Variants in RMDN2 observed in about 807,000 individuals in gnomAD.
RMDN2 encodes the protein regulator of microtubule dynamics protein 2.
RMDN2 carries 61 observed loss-of-function variants against 52.8 expected under a neutral mutation model. The observed-to-expected ratio is 1.16, with a 90% CI of 0.94 to 1.43. The LOEUF (loss-of-function observed/expected upper bound fraction) is 1.43, where lower values mean the gene tolerates loss of function less well. Ranked by LOEUF, RMDN2 falls within the 40% of genes most tolerant of loss-of-function variation. The pLI, the probability that RMDN2 is intolerant of heterozygous loss-of-function variation, is 0.00. For synonymous variants in RMDN2, 180 were observed against 153.1 expected (o/e 1.18, Z -1.30); for missense variants, 592 against 475.3 (o/e 1.25, Z -2.28).
At chr2:38,018,490 GA>G (rs1467339523), downstream of RMDN2, among the ~76,000 whole-genome samples, 1 of 152,146 alleles carries the variant, frequency 6.6e-6, no homozygotes, top group Non-Finnish European at 1.5e-5. Flanking sequence ...CCAACAGTAA[GA>G]AAGCAGCTAG....
At chr2:37,944,381 G>A (rs189312759) in intron 2 of RMDN2, among the ~76,000 whole-genome samples, 11 of 151,084 alleles carry the variant, frequency 7.3e-5, no homozygotes, top group Admixed American at 3.3e-4. Context: ...TACAGTCTCC[G>A]TCTCAAAACT....
chr2:38,004,131 T>A lies in RMDN2; in HGVS notation c.1099-5T>A. ...TGTTTAATATTGGTTATTTCTCATT[T>A]CCAGTGTTATACTGATCTTGAGGAA... On this transcript the variant is annotated splice_region_variant and splice_polypyrimidine_tract_variant and intron_variant, in intron 9 of 10. Coordinates refer to ENST00000354545, the MANE Select transcript of RMDN2 (RefSeq NM_001170791.3). The A allele has an allele frequency of 1.9e-6, 3 of 1,613,114 alleles. No individual in the cohort carries two copies. The highest frequency in any genetic ancestry group is 2.5e-6 in the Non-Finnish European group (3 of 1,179,196).
At chr2:37,924,498 G>A (rs1666127856), upstream of RMDN2, among the ~76,000 whole-genome samples, 1 of 152,224 alleles carries the variant, frequency 6.6e-6, no homozygotes, top group African/African-American at 2.4e-5. Context: ...CCAAGTAGCT[G>A]GGATTACAGG....
In RMDN2 at chr2:37,927,284, G is replaced by A. The variant is rs141030681; in HGVS notation, c.-17+1859G>A. Among the ~76,000 whole-genome samples the A allele has an allele frequency of 1.3e-3, 191 of 152,326 alleles. 1 individual carries two copies. The highest frequency in any genetic ancestry group is 4.5e-3 in the African/African-American group (185 of 41,564). On this transcript the variant is annotated intron_variant, in intron 1 of 10. Transcript: ENST00000354545. ...ATGTTGTGGGTGCATCCAAGAGTTA[G>A]GAACAGGTTGTCAAAGGTGACAGTT...
Position 38,004,036 on chromosome 2 carries a change from T to TGG in RMDN2, c.1090_1091insGG (p.Leu364TrpfsTer2). On this transcript the variant is annotated frameshift_variant, in exon 9 of 11. Coordinates refer to ENST00000354545, the MANE Select transcript of RMDN2 (RefSeq NM_001170791.3). LOFTEE classifies it high-confidence loss of function. ...TTATTCTAATCCCAATTACATGTAC[T>TGG]TAGCAAAGGTAATGAAGACCACTGT... is the stretch of plus-strand genomic sequence containing the variant. The TGG allele has an allele frequency of 6.2e-7, 1 of 1,613,190 alleles. No individual in the cohort carries two copies. Among genetic ancestry groups the TGG allele is most frequent in the South Asian group, 1.1e-5 (1 of 91,058 alleles).
chr2:37,934,578 C>T (rs957370230), intron 2 of RMDN2, among the ~76,000 whole-genome samples: 2 of 151,458 alleles, frequency 1.3e-5, no homozygotes, highest in Non-Finnish European at 2.9e-5. Context: ...TTTGTCACTC[C>T]GAGGCAGAAT....
At chr2:37,978,776 T>TTAGATAGATAGA (rs751616313) in intron 4 of RMDN2, among the ~76,000 whole-genome samples, 24 of 63,790 alleles carry the variant, frequency 3.8e-4, no homozygotes, top group Non-Finnish European at 5.9e-4. Context: ...AGACCCTTTC[T>TTAGATAGATAGA]CAGATAGATA....
chr2:37,985,512 G>C (rs1372779329), intron 5 of RMDN2, among the ~76,000 whole-genome samples: 1 of 152,088 alleles, frequency 6.6e-6, no homozygotes, highest in Non-Finnish European at 1.5e-5. Flanking sequence ...GTCAAGCTTT[G>C]AGTCAGCTAA....
chr2:38,060,896 A>G (rs1388658447), intron 10 of RMDN2, among the ~76,000 whole-genome samples: 1 of 152,182 alleles, frequency 6.6e-6, no homozygotes, highest in Non-Finnish European at 1.5e-5. Flanking sequence ...CAGCAACCCC[A>G]CTGGGATGAG....
downstream of RMDN2, among the ~76,000 whole-genome samples, chr2:38,018,107 T>C (rs1356384411): frequency 2.6e-5 from 4 of 152,200 alleles, no homozygotes. Context: ...TTCACTTCTT[T>C]TGTGATTCTT....
At position 37,965,338 on chromosome 2, in the gene RMDN2, GTT is replaced by G. The variant is rs398060100; in HGVS notation, c.453-8687_453-8686del. On this transcript the variant is annotated intron_variant, in intron 2 of 10. Transcript: ENST00000354545. Reference sequence around the variant, plus strand: ...CCATTGCTACCTCTCTTTGTGTTTAGTTTTTTTTTTTTTTTTAGTGATATGTT... The same window carrying G: ...CCATTGCTACCTCTCTTTGTGTTTAGTTTTTTTTTTTTTTAGTGATATGTT... Among the ~76,000 whole-genome samples, 131 of 111,786 alleles carry G rather than the reference GTT, an allele frequency of 1.2e-3. 1 individual carries two copies. In the East Asian group the frequency reaches 0.029, roughly 25 times the overall value. The allele number at this position is 111,786 out of a possible 152,430, so 73.3% of individuals were successfully genotyped here. A position where few individuals can be genotyped will look rare whatever the true frequency, so the allele number is the denominator to read the frequency against.
chr2:37,941,150 C>T (rs530293795), intron 2 of RMDN2, among the ~76,000 whole-genome samples: 4 of 152,190 alleles, frequency 2.6e-5, no homozygotes, highest in Non-Finnish European at 2.9e-5. Flanking sequence ...CAGTCAGGCC[C>T]CTCTTCTGCA....
intron 10 of RMDN2, among the ~76,000 whole-genome samples, chr2:38,029,146 G>A (rs909212010): frequency 2.6e-4 from 40 of 152,142 alleles, no homozygotes; most frequent in African/African-American, 7.2e-4. Flanking sequence ...TGTACCCCAC[G>A]CTCCCACCCA....
chr2:37,969,560 C>T (rs1671522029), intron 2 of RMDN2, among the ~76,000 whole-genome samples: 1 of 151,402 alleles, frequency 6.6e-6, no homozygotes. Context: ...ATTATAAATC[C>T]TAATTAGTTC....
downstream of RMDN2, among the ~76,000 whole-genome samples, chr2:38,019,021 G>T (rs79259730): frequency 1.3e-5 from 2 of 152,202 alleles, no homozygotes; most frequent in South Asian, 4.1e-4. Flanking sequence ...AGTCCAGCTG[G>T]TTCTCACTTT....
At chr2:37,956,922 T>G (rs902491997) in intron 2 of RMDN2, among the ~76,000 whole-genome samples, 1 of 152,282 alleles carries the variant, frequency 6.6e-6, no homozygotes, top group Non-Finnish European at 1.5e-5. Flanking sequence ...TTTCTGTTCC[T>G]GTGCTAGTTT....
At chr2:37,979,765 A>G (rs955852859) in intron 4 of RMDN2, among the ~76,000 whole-genome samples, 12 of 152,134 alleles carry the variant, frequency 7.9e-5, no homozygotes, top group Admixed American at 4.6e-4. Flanking sequence ...GTCTTTTTAT[A>G]TTCTTGGAGT....
chr2:37,981,868 T>G (rs1184599432), intron 5 of RMDN2, among the ~76,000 whole-genome samples: 1 of 152,062 alleles, frequency 6.6e-6, no homozygotes, highest in East Asian at 1.9e-4. Flanking sequence ...ACCCTTTGTA[T>G]GTTTATGTAA....
chr2:38,033,515 C>G (rs997942320), intron 10 of RMDN2, among the ~76,000 whole-genome samples: 14 of 152,206 alleles, frequency 9.2e-5, no homozygotes, highest in African/African-American at 3.4e-4. Context: ...GTCATGAGTT[C>G]TCTGACCTTT....
Sources: allele counts gnomAD v4.1 joint callset (sites outside exome capture counted in the v4.1 genomes callset), GRCh38; gene constraint gnomAD v4.1.1; transcripts MANE v1.5; gene names NCBI Gene and HGNC (gene_info 2026-07-23, HGNC 2026-07-21).